The following NDEL1 variants were observed in gnomAD, a reference collection of about 807,000 sequenced individuals.
NDEL1 encodes nudE neurodevelopment protein 1 like 1, also known as nuclear distribution protein nudE-like 1.
Under a neutral mutation model 45.7 loss-of-function variants are expected in NDEL1, and 9 were observed. The ratio of observed to expected loss-of-function variants is 0.20; its 90% CI spans 0.12 to 0.34. The LOEUF (loss-of-function observed/expected upper bound fraction) is 0.34, where lower values mean the gene tolerates loss of function less well. Among genes scored for constraint, NDEL1 ranks in the 10% least tolerant of loss-of-function variants. The pLI is 1.00. For synonymous variants in NDEL1, 133 were observed against 158.6 expected, an observed-to-expected ratio of 0.84 and a Z score of 1.21; for missense variants, 306 against 406.2, an observed-to-expected ratio of 0.75 and a Z score of 2.12.
chr17:8,468,806 C>T (rs1383715608), downstream of NDEL1, among the ~76,000 whole-genome samples: 1 of 152,206 alleles, frequency 6.6e-6, no homozygotes, highest in Non-Finnish European at 1.5e-5. Context: ...GAGTTCGAGA[C>T]CAGCCTGACC....
intron 8 of NDEL1, chr17:8,463,299 T>TGTTC (rs1278951813): frequency 6.2e-7 from 1 of 1,601,618 alleles, no homozygotes; most frequent in Admixed American, 1.7e-5. Context: ...CTGTTTAATA[T>TGTTC]GTTCTCCTTT....
upstream of NDEL1, chr17:8,435,816 CCGTGCGCTGCCGCGCATGCTCCG>C: frequency 2.3e-6 from 1 of 441,104 alleles, no homozygotes; most frequent in Admixed American, 2.4e-5. Context: ...CCCCGCATAC[CCGTGCGCTGCCGCGCATGCTCCG>C]AGCCCCGCCC....
At chr17:8,433,292 A>G (rs755071093), upstream of NDEL1, among the ~76,000 whole-genome samples, 5 of 152,146 alleles carry the variant, frequency 3.3e-5, no homozygotes, top group Non-Finnish European at 4.4e-5. Flanking sequence ...GGTGCTGGCT[A>G]TTGTTTCTGC....
At chr17:8,414,553 G>C (rs576301852) in intron 1 of NDEL1, among the ~76,000 whole-genome samples, 247 of 152,296 alleles carry the variant, frequency 1.6e-3, no homozygotes, top group Non-Finnish European at 2.5e-3. Flanking sequence ...TGTAGTCCCA[G>C]CTACCCGGGA....
chr17:8,439,064 C>G (rs1909555600), intron 1 of NDEL1, among the ~76,000 whole-genome samples: 1 of 151,662 alleles, frequency 6.6e-6, no homozygotes, highest in Non-Finnish European at 1.5e-5. Flanking sequence ...GCCTCAGCCT[C>G]CCGAGTAGCT....
chr17:8,468,314 G>A (rs533791146), downstream of NDEL1, among the ~76,000 whole-genome samples: 4 of 152,222 alleles, frequency 2.6e-5, no homozygotes, highest in Non-Finnish European at 4.4e-5. Context: ...TCTTATGTGC[G>A]GAGCAGGCGT....
At chr17:8,454,702 G>T in intron 6 of NDEL1, 94 bp from the exon 7 acceptor site, 2 of 838,784 alleles carry the variant, frequency 2.4e-6, no homozygotes, top group Non-Finnish European at 4.0e-6. Context: ...TGTTGATATT[G>T]TATTGAGTGT....
In NDEL1 at chr17:8,467,332, C is replaced by T. The variant is rs1255489697; in HGVS notation, c.*309C>T. Reference sequence around the variant, plus strand: ...TGGATGCAGAAGTACCCATTCATCACACCTGCCCCATAGCCCCCACTCTGC... The same window carrying T: ...TGGATGCAGAAGTACCCATTCATCATACCTGCCCCATAGCCCCCACTCTGC... On this transcript the variant is annotated 3_prime_UTR_variant, in exon 9 of 9. Transcript: ENST00000334527. This position sits in a 1 kb window ranked among gnomAD's most constrained non-coding sequence, Gnocchi z 6.3. 3.7e-6 allele frequency: 2 copies of T among 546,668 alleles called. No individual in the cohort carries two copies. Among genetic ancestry groups the T allele is most frequent in the Non-Finnish European group, 6.4e-6 (2 of 310,794 alleles). 33.9% of individuals were successfully genotyped at this position (546,668 alleles called of 1,614,324 possible).
At chr17:8,444,208 C>A in intron 1 of NDEL1, 52 bp from the exon 2 acceptor site, 1 of 1,168,812 alleles carries the variant, frequency 8.6e-7, no homozygotes, top group Middle Eastern at 1.9e-4. Flanking sequence ...TATGCTTGTG[C>A]TTAGATTTCT....
At chr17:8,428,349 TG>T (rs1908897309) in intron 1 of NDEL1, among the ~76,000 whole-genome samples, 5 of 135,130 alleles carry the variant, frequency 3.7e-5, no homozygotes, top group South Asian at 4.8e-4. Context: ...TGTGTGTGTG[TG>T]TGTGTGTGTG....
At chr17:8,458,548 CTG>C (rs112741158) in intron 7 of NDEL1, among the ~76,000 whole-genome samples, 23 of 149,882 alleles carry the variant, frequency 1.5e-4, no homozygotes, top group South Asian at 4.2e-4. Flanking sequence ...TCAATTTCTA[CTG>C]TGTGTGTGTG....
At chr17:8,419,264 C>T (rs956843027) in intron 1 of NDEL1, among the ~76,000 whole-genome samples, 17 of 152,012 alleles carry the variant, frequency 1.1e-4, no homozygotes, top group Non-Finnish European at 8.8e-5. Context: ...ATCAAAGTAA[C>T]GTGTATTTGC....
upstream of NDEL1, among the ~76,000 whole-genome samples, chr17:8,432,372 T>TTATATATAAATATATATATATATTATATA (rs1909037661): frequency 7.6e-6 from 1 of 131,648 alleles, no homozygotes; most frequent in Non-Finnish European, 1.6e-5. Flanking sequence ...ATATATATAT[T>TTATATATAAATATATATATATATTATATA]TAATGGCAGG....
At chr17:8,464,972 C>T (rs368668445) in intron 8 of NDEL1, 2 of 152,356 alleles carry the variant, frequency 1.3e-5, no homozygotes, top group South Asian at 2.1e-4. Context: ...TGTACACCCC[C>T]GTGGCCCAGG....
chr17:8,470,015 CG>C (rs924104377), downstream of NDEL1, among the ~76,000 whole-genome samples: 44 of 151,994 alleles, frequency 2.9e-4, no homozygotes, highest in Non-Finnish European at 7.4e-5. This position sits in a 1 kb window ranked among gnomAD's most constrained non-coding sequence, Gnocchi z 4.2. Flanking sequence ...GCCTTAGTGA[CG>C]TTTTTTTTGT....
intron 1 of NDEL1, among the ~76,000 whole-genome samples, chr17:8,427,480 C>T (rs1436871239): frequency 2.0e-5 from 3 of 152,108 alleles, no homozygotes; most frequent in Non-Finnish European, 2.9e-5. Context: ...GCAGGCAGAT[C>T]ATTTGAGGCC....
At chr17:8,428,874 C>T (rs138733531) in intron 1 of NDEL1, among the ~76,000 whole-genome samples, 6,315 of 151,928 alleles carry the variant, frequency 0.042, 366 homozygotes, top group African/African-American at 0.14. Flanking sequence ...GGGGTTTCAC[C>T]GTGTTAGCCA....
At chr17:8,454,728 C>A in intron 6 of NDEL1, 68 bp from the exon 7 acceptor site, 2 of 1,157,896 alleles carry the variant, frequency 1.7e-6, no homozygotes, top group Non-Finnish European at 2.6e-6. Flanking sequence ...TACTTTGTAA[C>A]ATCAACAACA....
intron 7 of NDEL1, among the ~76,000 whole-genome samples, chr17:8,458,951 C>G (rs555676835): frequency 6.6e-6 from 1 of 152,162 alleles, no homozygotes; most frequent in South Asian, 2.1e-4. Context: ...AGGCTGGTCT[C>G]GAACTCATGG....
Sources: gnomAD v4.1 joint callset for allele counts (sites outside exome capture counted in the v4.1 genomes callset) on GRCh38, gnomAD v4.1.1 for gene constraint, Gnocchi (gnomAD v3.1) non-coding constraint, MANE v1.5 for transcripts, NCBI Gene and HGNC (gene_info 2026-07-23, HGNC 2026-07-21) for gene names.